Variants in RPS6KA2 observed in about 807,000 individuals in gnomAD.
RPS6KA2 encodes the protein ribosomal protein S6 kinase alpha-2.
Under a neutral mutation model 91.8 loss-of-function variants are expected in RPS6KA2, and 42 were observed. That is an observed-to-expected ratio of 0.46 (90% confidence interval 0.36 to 0.59). The LOEUF (loss-of-function observed/expected upper bound fraction) is 0.59, where lower values mean the gene tolerates loss of function less well. RPS6KA2 is among the 20% of genes least tolerant of loss of function. The probability of loss-of-function intolerance (pLI) is 0.00; values close to 1 mark genes in which losing one functional copy is unlikely to be tolerated. For missense variants in RPS6KA2, 798 were observed against 978.5 expected (o/e 0.82, Z 2.46); for synonymous variants, 414 against 393.6 (o/e 1.05, Z -0.61).
chr6:166,824,811 GTGTC>G (rs1258550360), intron 2 of RPS6KA2, among the ~76,000 whole-genome samples: 1 of 11,560 alleles, frequency 8.7e-5, no homozygotes, highest in Non-Finnish European at 3.0e-4. Context: ...GTGTCTATGT[GTGTC>G]TGTGTGTGTC....
At chr6:166,829,632 C>CAAAAAAAAAAAAAA (rs1780133491) in intron 2 of RPS6KA2, among the ~76,000 whole-genome samples, 1 of 150,328 alleles carries the variant, frequency 6.7e-6, no homozygotes, top group Admixed American at 6.6e-5. Flanking sequence ...TTATATGGTC[C>CAAAAAAAAAAAAAA]ATCAATTCCC....
In RPS6KA2 at chr6:166,531,655, G is replaced by A. The variant is rs1305904513; in HGVS notation, c.217-342C>T. On this transcript the variant is annotated intron_variant, in intron 2 of 20. Coordinates refer to ENST00000265678, the MANE Select transcript of RPS6KA2 (RefSeq NM_021135.6). Reference sequence around the variant, plus strand: ...TTTTAAGGGAGATCCTTTGGTTTGAGTATCCCTCTGTAAATCCTTACTGAG... The same window carrying A: ...TTTTAAGGGAGATCCTTTGGTTTGAATATCCCTCTGTAAATCCTTACTGAG... 2.0e-5 allele frequency among the ~76,000 whole-genome samples: 3 copies of A among 152,138 alleles called. No homozygotes were observed. In the East Asian group the frequency reaches 5.8e-4, roughly 29 times the overall value.
chr6:166,479,930 T>C (rs898345708), intron 10 of RPS6KA2, among the ~76,000 whole-genome samples: 8 of 152,196 alleles, frequency 5.3e-5, no homozygotes, highest in African/African-American at 1.7e-4. Context: ...TCCATGTTAG[T>C]GCATGCAGAA....
intron 2 of RPS6KA2, among the ~76,000 whole-genome samples, chr6:166,747,993 C>A (rs1483130540): frequency 6.6e-6 from 1 of 152,122 alleles, no homozygotes; most frequent in East Asian, 1.9e-4. Context: ...GTTGCCCATG[C>A]CAGTGAATGT....
At position 166,783,888 on chromosome 6, in the gene RPS6KA2, T is replaced by G. The variant is rs1287822833; in HGVS notation, c.123+74312A>C. On this transcript the variant is annotated intron_variant, in intron 2 of 21. Coordinates refer to the RPS6KA2 transcript ENST00000503859. ...GTGCACACCTACGCATCACCACATATGCACACGTGCACACCTACGCATCAC... is the reference window on the plus strand; with the variant it reads ...GTGCACACCTACGCATCACCACATAGGCACACGTGCACACCTACGCATCAC... Among the ~76,000 whole-genome samples the G allele has an allele frequency of 3.5e-5, 3 of 86,730 alleles. No individual in the cohort carries two copies. In the South Asian group the frequency reaches 1.1e-3, roughly 32 times the overall value. The allele number at this position is 86,730 out of a possible 152,430, so 56.9% of individuals were successfully genotyped here.
rs1021971689 is a variant in RPS6KA2 at position 166,654,962 on chromosome 6, A to G, written c.124-116178T>C. The stretch of plus-strand genomic sequence containing the variant: ...GCTTTAGCACTTATAAAAAATGTAA[A>G]AAAAAATATCAGGTGTCCATTTTCA... On this transcript the variant is annotated intron_variant, in intron 2 of 21. Transcript: ENST00000503859. Among the ~76,000 whole-genome samples, 198 of 138,916 alleles carry G rather than the reference A, an allele frequency of 1.4e-3. 1 individual carries two copies. Among genetic ancestry groups the G allele is most frequent in the African/African-American group, 4.8e-3 (173 of 36,106 alleles). The allele number at this position is 138,916 out of a possible 152,430, so 91.1% of individuals were successfully genotyped here. A position where few individuals can be genotyped will look rare whatever the true frequency, so the allele number is the denominator to read the frequency against.
chr6:166,504,806 C>G (rs1348458681), intron 5 of RPS6KA2, among the ~76,000 whole-genome samples, 194 bp from the exon 6 acceptor site: 1 of 152,120 alleles, frequency 6.6e-6, no homozygotes, highest in African/African-American at 2.4e-5. Flanking sequence ...GTTCCAAGAT[C>G]AGTGGATGGA....
Position 166,726,647 on chromosome 6 carries a change from T to C in RPS6KA2, c.123+131553A>G, listed in dbSNP as rs1254086041. Reference sequence around the variant, plus strand: ...TTAAATCACATAAACATGATCACCTTAAACAGAGAACTGGATCTCGTGTAC... The same window carrying C: ...TTAAATCACATAAACATGATCACCTCAAACAGAGAACTGGATCTCGTGTAC... On this transcript the variant is annotated intron_variant, in intron 2 of 21. Coordinates refer to the RPS6KA2 transcript ENST00000503859. This position sits in a 1 kb window ranked among gnomAD's most constrained non-coding sequence, Gnocchi z 4.4. Among the ~76,000 whole-genome samples the C allele has an allele frequency of 5.3e-5, 8 of 152,240 alleles. No homozygotes were observed. Among genetic ancestry groups the C allele is most frequent in the African/African-American group, 1.9e-4 (8 of 41,462 alleles).
intron 2 of RPS6KA2, among the ~76,000 whole-genome samples, chr6:166,793,782 G>T (rs980547278): frequency 1.2e-4 from 18 of 152,210 alleles, no homozygotes; most frequent in African/African-American, 4.3e-4. Context: ...AAATGCTGCT[G>T]GGAAAACTGG....
At chr6:166,668,790 T>C (rs1229919171) in intron 2 of RPS6KA2, among the ~76,000 whole-genome samples, 1 of 152,090 alleles carries the variant, frequency 6.6e-6, no homozygotes, top group African/African-American at 2.4e-5. Context: ...TTCCTTTCTT[T>C]TTTTCTTTTC....
At chr6:166,703,941 CAT>C (rs1789605917) in intron 2 of RPS6KA2, among the ~76,000 whole-genome samples, 1 of 152,166 alleles carries the variant, frequency 6.6e-6, no homozygotes, top group Non-Finnish European at 1.5e-5. Context: ...TCTCAGGTAA[CAT>C]ATTTTATAAG....
chr6:166,738,586 G>T (rs1790731047), intron 2 of RPS6KA2, among the ~76,000 whole-genome samples: 1 of 152,166 alleles, frequency 6.6e-6, no homozygotes. Flanking sequence ...GTGTGTAACT[G>T]TCTTACTAGG....
chr6:166,824,104 T>A (rs1779974549), intron 2 of RPS6KA2, among the ~76,000 whole-genome samples: 1 of 152,122 alleles, frequency 6.6e-6, no homozygotes, highest in East Asian at 1.9e-4. Context: ...TGTATACACA[T>A]GTGAATATAC....
chr6:166,622,390 A>C (rs1786674622), intron 1 of RPS6KA2, among the ~76,000 whole-genome samples: 2 of 152,242 alleles, frequency 1.3e-5, no homozygotes, highest in Admixed American at 1.3e-4. Flanking sequence ...ATTCCAATTC[A>C]GTATTCACTA....
At chr6:166,681,033 T>C (rs1788790230) in intron 2 of RPS6KA2, among the ~76,000 whole-genome samples, 1 of 152,174 alleles carries the variant, frequency 6.6e-6, no homozygotes, top group Non-Finnish European at 1.5e-5. Context: ...TCCCATATCT[T>C]CTCACCCCTT....
In RPS6KA2 at chr6:166,684,407, T is replaced by G. The variant is rs574372098; in HGVS notation, c.124-145623A>C. Among the ~76,000 whole-genome samples, 9 of 152,366 alleles carry G rather than the reference T, an allele frequency of 5.9e-5. No individual in the cohort carries two copies. In the South Asian group the frequency reaches 1.9e-3, roughly 32 times the overall value. On this transcript the variant is annotated intron_variant, in intron 2 of 21. Transcript: ENST00000503859. ...AGGCCTGCCCTGAGCTGCTACTTTCTGCCTAGCAGGTAACTCTGCTCTGCA... is the reference window on the plus strand; with the variant it reads ...AGGCCTGCCCTGAGCTGCTACTTTCGGCCTAGCAGGTAACTCTGCTCTGCA...
chr6:166,781,519 G>C (rs1194352005), intron 2 of RPS6KA2, among the ~76,000 whole-genome samples: 1 of 152,182 alleles, frequency 6.6e-6, no homozygotes, highest in Non-Finnish European at 1.5e-5. Context: ...ACCCACCCAA[G>C]TCAGGCAGGT....
In RPS6KA2 at chr6:166,411,758, AGCCTCCAGCT is replaced by A. The variant is rs1348022200; in HGVS notation, c.*994_*1003del. ...CTGGGTGGGGCCTGTGTCTCCCTCCAGCCTCCAGCTGGACTGAGAAGGTTTGGGTGGGAAG... is the reference window on the plus strand; with the variant it reads ...CTGGGTGGGGCCTGTGTCTCCCTCCAGGACTGAGAAGGTTTGGGTGGGAAG... On this transcript the variant is annotated 3_prime_UTR_variant, in exon 21 of 21. Coordinates refer to ENST00000265678, the MANE Select transcript of RPS6KA2 (RefSeq NM_021135.6). This position sits in a 1 kb window ranked among gnomAD's most constrained non-coding sequence, Gnocchi z 4.5. The A allele has an allele frequency of 6.6e-6, 1 of 152,416 alleles. No homozygotes were observed. The highest frequency in any genetic ancestry group is 2.4e-5 in the African/African-American group (1 of 41,426). The allele number at this position is 152,416 out of a possible 1,614,324, so 9.4% of individuals were successfully genotyped here.
At chr6:166,701,905 A>C in intron 2 of RPS6KA2, 1 of 1,096,562 alleles carries the variant, frequency 9.1e-7, no homozygotes, top group East Asian at 2.4e-5. Flanking sequence ...TCGTGATTTT[A>C]GTGTCTGTGT....
Sources: gnomAD v4.1 joint callset for allele counts (sites outside exome capture counted in the v4.1 genomes callset) on GRCh38, gnomAD v4.1.1 for gene constraint, Gnocchi (gnomAD v3.1) non-coding constraint, MANE v1.5 for transcripts, NCBI Gene and HGNC (gene_info 2026-07-23, HGNC 2026-07-21) for gene names.